Variants in ANKRD31 observed in about 807,000 individuals in gnomAD.
ANKRD31 encodes ankyrin repeat domain-containing protein 31.
ANKRD31 carries 147 observed loss-of-function variants against 186.0 expected under a neutral mutation model. The observed-to-expected ratio is 0.79, with a 90% CI of 0.69 to 0.91. ANKRD31 has a LOEUF of 0.91. ANKRD31 is among the 40% of genes least tolerant of loss of function. The probability of loss-of-function intolerance (pLI) is 0.00; values close to 1 mark genes in which losing one functional copy is unlikely to be tolerated. For missense variants in ANKRD31, 1,986 were observed against 2,148.8 expected, an observed-to-expected ratio of 0.92 and a Z score of 1.50; for synonymous variants, 673 against 736.4, an observed-to-expected ratio of 0.91 and a Z score of 1.39.
intron 14 of ANKRD31, among the ~76,000 whole-genome samples, chr5:75,145,071 T>C (rs1257000937): frequency 6.6e-6 from 1 of 152,078 alleles, no homozygotes; most frequent in African/African-American, 2.4e-5. Flanking sequence ...TGGCGATCAT[T>C]AAAAAGTCAT....
At position 75,104,345 on chromosome 5, in the gene ANKRD31, T is replaced by G. The variant is rs769331261; in HGVS notation, c.5214A>C (p.Thr1738=). 4.6e-6 allele frequency: 7 copies of G among 1,537,122 alleles called. No homozygotes were observed. Among genetic ancestry groups the G allele is most frequent in the Non-Finnish European group, 6.1e-6 (7 of 1,146,912 alleles). ...TACTGTAGTTTAAAGCCTTTTTTAT[T>G]GTATCTTGTTGCCCAGATCCAGAGG... ...SSSSGSGQQD[T]IKKALNYSTA... is the part of the protein sequence containing the mutation. The change falls in exon 22 of 26, where the codon ACA becomes ACC. Residue 1738 remains threonine, a synonymous_variant. Coordinates refer to ENST00000506364, the MANE Select transcript of ANKRD31 (RefSeq NM_001372053.1).
chr5:75,143,891 A>AACT lies in ANKRD31; in HGVS notation c.3595+107_3595+109dup. On this transcript the variant is annotated intron_variant, in intron 15 of 25. Transcript: ENST00000506364. The stretch of plus-strand genomic sequence containing the variant: ...GAAATAGTCATATAAGTCAGTGAAT[A>AACT]ACTACAAAAAGAAACAATATATCTG... 3 of 393,368 alleles carry AACT rather than the reference A, an allele frequency of 7.6e-6. No individual in the cohort carries two copies. The Admixed American group carries it at 1.3e-4, about 17-fold the overall frequency. 24.4% of individuals were successfully genotyped at this position (393,368 alleles called of 1,614,324 possible). A position where few individuals can be genotyped will look rare whatever the true frequency, so the allele number is the denominator to read the frequency against.
chr5:75,092,720 G>A (rs940932429), intron 22 of ANKRD31, among the ~76,000 whole-genome samples: 1 of 152,064 alleles, frequency 6.6e-6, no homozygotes, highest in African/African-American at 2.4e-5. Flanking sequence ...AGCAAAGTAT[G>A]ACACACACAC....
chr5:75,098,137 C>A (rs113163939), intron 22 of ANKRD31, among the ~76,000 whole-genome samples: 1 of 151,832 alleles, frequency 6.6e-6, no homozygotes, highest in Non-Finnish European at 1.5e-5. Flanking sequence ...GGACTACAGG[C>A]GCCCACCACC....
intron 10 of ANKRD31, among the ~76,000 whole-genome samples, chr5:75,170,622 A>G (rs1753243131): frequency 6.6e-6 from 1 of 152,086 alleles, no homozygotes; most frequent in African/African-American, 2.4e-5. Flanking sequence ...TAGTGTGCAT[A>G]GTACCCAATA....
rs147458066 is a variant in ANKRD31, at chr5:75,145,950, T to C, written c.3424+37A>G. 2.1e-5 allele frequency: 28 copies of C among 1,352,600 alleles called. No homozygotes were observed. The African/African-American group carries it at 3.4e-4, about 16-fold the overall frequency. The allele number at this position is 1,352,600 out of a possible 1,614,324, so 83.8% of individuals were successfully genotyped here. ...ATTTCTATAAAAATAAGTAAATCTA[T>C]AGGAAATATGTACAGATTAAGCAAT... On this transcript the variant is annotated intron_variant, in intron 14 of 25. Coordinates refer to ENST00000506364, the MANE Select transcript of ANKRD31 (RefSeq NM_001372053.1).
intron 23 of ANKRD31, among the ~76,000 whole-genome samples, chr5:75,086,515 G>A (rs1447205617): frequency 6.6e-6 from 1 of 152,178 alleles, no homozygotes; most frequent in East Asian, 1.9e-4. Flanking sequence ...CTCTGACAGA[G>A]GCATGGTAGG....
chr5:75,072,544 T>G (rs1166671033), intron 25 of ANKRD31, among the ~76,000 whole-genome samples: 1 of 152,232 alleles, frequency 6.6e-6, no homozygotes, highest in Non-Finnish European at 1.5e-5. Flanking sequence ...GGATCCAGAC[T>G]TCTAATGAAC....
intron 20 of ANKRD31, among the ~76,000 whole-genome samples, chr5:75,108,365 T>C (rs1332728728): frequency 6.6e-6 from 1 of 152,058 alleles, no homozygotes; most frequent in Non-Finnish European, 1.5e-5. Context: ...CTTCCTTTGC[T>C]TTCCAAGTAA....
At chr5:75,078,779 A>AT (rs1254085752) in intron 25 of ANKRD31, among the ~76,000 whole-genome samples, 1 of 152,206 alleles carries the variant, frequency 6.6e-6, no homozygotes. Flanking sequence ...GGAAATGCTT[A>AT]TTTTTTTCCC....
intron 11 of ANKRD31, among the ~76,000 whole-genome samples, chr5:75,157,157 C>T (rs1279615792): frequency 1.3e-5 from 2 of 152,060 alleles, no homozygotes; most frequent in Admixed American, 1.3e-4. Context: ...CATATATCAT[C>T]ATGAACACAA....
Position 75,068,428 on chromosome 5 carries a change from A to G in ANKRD31, c.*91T>C. The G allele has an allele frequency of 7.8e-7, 1 of 1,276,250 alleles. No homozygotes were observed. The highest frequency in any genetic ancestry group is 1.0e-6 in the Non-Finnish European group (1 of 978,514). 79.1% of individuals were successfully genotyped at this position (1,276,250 alleles called of 1,614,324 possible). On this transcript the variant is annotated 3_prime_UTR_variant, in exon 26 of 26. Coordinates refer to ENST00000506364, the MANE Select transcript of ANKRD31 (RefSeq NM_001372053.1). ...AATAGCAACTCATAAAGTGTATGTT[A>G]AAATAGGCCCACCAGATTATACAAG...
intron 23 of ANKRD31, among the ~76,000 whole-genome samples, chr5:75,090,872 T>C (rs1745873482): frequency 6.6e-6 from 1 of 152,238 alleles, no homozygotes. Context: ...TTTACTTCAT[T>C]AGAATAATAA....
Position 75,137,922 on chromosome 5 carries a change from C to A in ANKRD31, c.3810G>T (p.Lys1270Asn). 1 of 1,533,352 alleles carries A rather than the reference C, an allele frequency of 6.5e-7. No individual in the cohort carries two copies. The highest frequency in any genetic ancestry group is 1.2e-5 in the South Asian group (1 of 83,350). The allele number at this position is 1,533,352 out of a possible 1,614,324, so 95.0% of individuals were successfully genotyped here. The change falls in exon 17 of 26, where the codon AAG becomes AAT. Residue 1270 changes from lysine (K) to asparagine (N), a missense_variant. Transcript: ENST00000506364. ...IIVELLKAGA[K>N]VNCENIDGIL... ...TTCCATCTATATTTTCACAATTAACCTTAGCACCAGCTTTTAATAACTCTA... is the reference window on the plus strand; with the variant it reads ...TTCCATCTATATTTTCACAATTAACATTAGCACCAGCTTTTAATAACTCTA...
At chr5:75,222,159 AC>A (rs1449894035) in intron 3 of ANKRD31, 89 bp downstream of exon 3, 1 of 923,282 alleles carries the variant, frequency 1.1e-6, no homozygotes, top group Non-Finnish European at 1.5e-6. Flanking sequence ...CAAAATATAG[AC>A]AAAAAGAATT....
intron 1 of ANKRD31, among the ~76,000 whole-genome samples, chr5:75,235,785 T>C (rs992663659): frequency 6.6e-6 from 1 of 152,206 alleles, no homozygotes; most frequent in African/African-American, 2.4e-5. Flanking sequence ...TCCCCCTTTT[T>C]TCTCTCTTTT....
At chr5:75,159,384 A>T (rs1041701210) in intron 11 of ANKRD31, among the ~76,000 whole-genome samples, 3 of 152,172 alleles carry the variant, frequency 2.0e-5, no homozygotes, top group African/African-American at 4.8e-5. Flanking sequence ...ACATCTAAGA[A>T]GCACAACATA....
At chr5:75,126,059 C>G (rs551998843) in intron 17 of ANKRD31, among the ~76,000 whole-genome samples, 1 of 152,308 alleles carries the variant, frequency 6.6e-6, no homozygotes, top group Non-Finnish European at 1.5e-5. Flanking sequence ...TTACATTTTG[C>G]TTTTTGTAGA....
intron 6 of ANKRD31, among the ~76,000 whole-genome samples, chr5:75,196,950 G>T (rs1442983917): frequency 6.6e-6 from 1 of 151,706 alleles, no homozygotes; most frequent in Non-Finnish European, 1.5e-5. Flanking sequence ...ACCCAGGCTG[G>T]AGTGCAGTGG....
Sources: gnomAD v4.1 joint callset for allele counts (sites outside exome capture counted in the v4.1 genomes callset) on GRCh38, gnomAD v4.1.1 for gene constraint, MANE v1.5 for transcripts, NCBI Gene and HGNC (gene_info 2026-07-23, HGNC 2026-07-21) for gene names.